CLVS1: variants seen among roughly 807,000 people sequenced by gnomAD.
The protein encoded by CLVS1 is clavesin 1.
CLVS1 carries 10 observed loss-of-function variants against 33.1 expected under a neutral mutation model. The ratio of observed to expected loss-of-function variants is 0.30; its 90% CI spans 0.19 to 0.51. CLVS1 has a LOEUF of 0.51. CLVS1 is among the 20% of genes least tolerant of loss of function. The probability of loss-of-function intolerance (pLI) is 0.97; values close to 1 mark genes in which losing one functional copy is unlikely to be tolerated. For synonymous variants in CLVS1, 163 were observed against 166.1 expected, an observed-to-expected ratio of 0.98 and a Z score of 0.14; for missense variants, 343 against 433.4, an observed-to-expected ratio of 0.79 and a Z score of 1.85.
chr8:61,183,290 T>A (rs2129301016), intron 2 of CLVS1, among the ~76,000 whole-genome samples: 1 of 152,326 alleles, frequency 6.6e-6, no homozygotes, highest in Non-Finnish European at 1.5e-5. Context: ...AACCTGCATG[T>A]GCTGCACATG....
At chr8:61,402,286 A>C (rs896618145) in intron 3 of CLVS1, among the ~76,000 whole-genome samples, 7 of 152,148 alleles carry the variant, frequency 4.6e-5, no homozygotes, top group African/African-American at 1.7e-4. Flanking sequence ...AAGCAAAAAA[A>C]AAGATGTGGG....
intron 1 of CLVS1, among the ~76,000 whole-genome samples, chr8:61,107,855 G>T (rs1805564854): frequency 6.6e-6 from 1 of 152,140 alleles, no homozygotes; most frequent in Non-Finnish European, 1.5e-5. Flanking sequence ...GTGAAATTGT[G>T]AACCAACATA....
At chr8:61,083,298 T>G (rs1226006077) in intron 1 of CLVS1, among the ~76,000 whole-genome samples, 2 of 152,064 alleles carry the variant, frequency 1.3e-5, no homozygotes, top group African/African-American at 4.8e-5. Flanking sequence ...TTAGGCTGGA[T>G]GAGTGTGAGA....
At chr8:61,363,097 C>T (rs908938976) in intron 2 of CLVS1, among the ~76,000 whole-genome samples, 1 of 152,166 alleles carries the variant, frequency 6.6e-6, no homozygotes, top group African/African-American at 2.4e-5. Context: ...GCTGAGCATT[C>T]ACATTTTTTC....
At chr8:61,146,068 G>A (rs1316408120) in intron 2 of CLVS1, among the ~76,000 whole-genome samples, 1 of 152,156 alleles carries the variant, frequency 6.6e-6, no homozygotes, top group East Asian at 1.9e-4. Flanking sequence ...CTCATGGTGA[G>A]TGGCAGCAGT....
chr8:61,257,281 C>T lies in CLVS1; in HGVS notation c.-151-42396C>T, dbSNP rs575716187. On this transcript the variant is annotated intron_variant, in intron 2 of 2. Coordinates refer to the CLVS1 transcript ENST00000522621. ...TAAAATCCCTTTTGCTGTTCTGTCACCCATTAAACTGATGACGTTCAGGCC... is the reference window on the plus strand; with the variant it reads ...TAAAATCCCTTTTGCTGTTCTGTCATCCATTAAACTGATGACGTTCAGGCC... 8.5e-5 allele frequency among the ~76,000 whole-genome samples: 13 copies of T among 152,280 alleles called. 1 individual carries two copies. The South Asian group carries it at 2.5e-3, about 29-fold the overall frequency.
At chr8:61,033,094 A>G in the CLVS1 span, among the ~76,000 whole-genome samples, 3 of 119,168 alleles carry the variant, frequency 2.5e-5, no homozygotes, top group Admixed American at 8.5e-5. Context: ...AAGGAAAGAA[A>G]GAAAGATAGA....
chr8:61,433,877 G>T (rs951077726), intron 3 of CLVS1, among the ~76,000 whole-genome samples: 2 of 151,976 alleles, frequency 1.3e-5, no homozygotes, highest in Non-Finnish European at 2.9e-5. Flanking sequence ...TTGTGCCACT[G>T]CACTCCAGCC....
chr8:61,326,253 A>G (rs1018197982), intron 2 of CLVS1, among the ~76,000 whole-genome samples: 1 of 152,176 alleles, frequency 6.6e-6, no homozygotes, highest in Non-Finnish European at 1.5e-5. Flanking sequence ...AGTGGCTTAA[A>G]ATAACAGTGG....
At chr8:61,216,909 C>A (rs1169353532) in intron 2 of CLVS1, among the ~76,000 whole-genome samples, 1 of 152,112 alleles carries the variant, frequency 6.6e-6, no homozygotes, top group Non-Finnish European at 1.5e-5. Flanking sequence ...GGCCATTATA[C>A]ATATATTTTC....
chr8:61,001,866 C>T, the CLVS1 span, among the ~76,000 whole-genome samples: 1 of 152,270 alleles, frequency 6.6e-6, no homozygotes, highest in Non-Finnish European at 1.5e-5. Context: ...ACCATTCCTT[C>T]AAGATTTGTC....
chr8:61,227,755 C>T (rs1346714379), intron 2 of CLVS1, among the ~76,000 whole-genome samples: 3 of 152,128 alleles, frequency 2.0e-5, no homozygotes, highest in African/African-American at 7.2e-5. Context: ...ATAATTGATA[C>T]CCAAAAGTTA....
chr8:61,164,808 C>T (rs780657233), intron 2 of CLVS1, among the ~76,000 whole-genome samples: 9 of 152,162 alleles, frequency 5.9e-5, no homozygotes, highest in East Asian at 1.9e-4. Context: ...CTAAACTTTT[C>T]GCACTTTAAA....
the CLVS1 span, among the ~76,000 whole-genome samples, chr8:61,035,172 TTTC>T: frequency 5.4e-4 from 70 of 128,474 alleles, 2 homozygotes; most frequent in Admixed American, 1.4e-3. Flanking sequence ...TTTCTTTTCT[TTTC>T]TTTTCTTTTT....
rs535216901 is a variant in CLVS1, at chr8:61,116,298, C to A, written c.-242-15472C>A. 3.9e-5 allele frequency among the ~76,000 whole-genome samples: 6 copies of A among 152,076 alleles called. 1 individual carries two copies. The highest frequency in any genetic ancestry group is 3.9e-4 in the East Asian group (2 of 5,178). On this transcript the variant is annotated intron_variant, in intron 1 of 2. Coordinates refer to the CLVS1 transcript ENST00000522621. ...AGCCCTTTGTCAGATGAGTAGGTTGCGAAAATTTTCTCCCATTTGGTTGCC... is the reference window on the plus strand; with the variant it reads ...AGCCCTTTGTCAGATGAGTAGGTTGAGAAAATTTTCTCCCATTTGGTTGCC...
At chr8:61,303,560 C>T (rs1324795088) in intron 2 of CLVS1, among the ~76,000 whole-genome samples, 1 of 152,216 alleles carries the variant, frequency 6.6e-6, no homozygotes, top group Non-Finnish European at 1.5e-5. Context: ...ATTTTTCAAA[C>T]TGTGCAATAT....
At chr8:61,268,012 C>CT (rs199533594) in intron 2 of CLVS1, among the ~76,000 whole-genome samples, 91 of 150,464 alleles carry the variant, frequency 6.0e-4, no homozygotes, top group African/African-American at 1.6e-3. Context: ...ATATAAAAGT[C>CT]TTTTTTTTTT....
At chr8:61,062,928 C>A (rs1034437485) in intron 1 of CLVS1, among the ~76,000 whole-genome samples, 2 of 152,100 alleles carry the variant, frequency 1.3e-5, no homozygotes, top group African/African-American at 4.8e-5. Context: ...TATGCATTTC[C>A]TTTCTTTAAA....
chr8:61,304,768 T>C (rs1810560935), intron 2 of CLVS1, among the ~76,000 whole-genome samples: 1 of 152,100 alleles, frequency 6.6e-6, no homozygotes, highest in South Asian at 2.1e-4. Context: ...AAACTGAGCA[T>C]AAAGGGACAC....
Sources: gnomAD v4.1 joint callset for allele counts (sites outside exome capture counted in the v4.1 genomes callset) on GRCh38, gnomAD v4.1.1 for gene constraint, MANE v1.5 for transcripts, NCBI Gene and HGNC (gene_info 2026-07-23, HGNC 2026-07-21) for gene names.